VIPR1: variants seen among roughly 807,000 people sequenced by gnomAD.
VIPR1 encodes vasoactive intestinal peptide receptor 1, also known as vasoactive intestinal polypeptide receptor 1.
Under a neutral mutation model 58.8 loss-of-function variants are expected in VIPR1, and 59 were observed. That is an observed-to-expected ratio of 1.00 (90% CI 0.81 to 1.25). VIPR1 has a LOEUF of 1.25. VIPR1 is among the 50% of genes most tolerant of loss of function. VIPR1 has a pLI of 0.00. For synonymous variants in VIPR1, 251 were observed against 242.1 expected (o/e 1.04, Z -0.34); for missense variants, 626 against 602.7 (o/e 1.04, Z -0.40).
At chr3:42,517,155 T>C (rs1263153457) in intron 2 of VIPR1, among the ~76,000 whole-genome samples, 3 of 152,210 alleles carry the variant, frequency 2.0e-5, no homozygotes, top group African/African-American at 7.2e-5. Flanking sequence ...CCTTCAGCTA[T>C]AGATGTGGCC....
intron 3 of VIPR1, among the ~76,000 whole-genome samples, chr3:42,525,254 T>C (rs980619933): frequency 6.6e-6 from 1 of 152,038 alleles, no homozygotes. Flanking sequence ...CTGAGGACAG[T>C]GGACAGTGCA....
chr3:42,527,950 C>A (rs528103416), intron 5 of VIPR1, 41 bp from the exon 6 acceptor site: 1 of 1,602,668 alleles, frequency 6.2e-7, no homozygotes, highest in Admixed American at 1.7e-5. Flanking sequence ...GGTGGGGATC[C>A]AAGGCCCCTT....
intron 3 of VIPR1, 41 bp from the exon 4 acceptor site, chr3:42,525,846 C>G: frequency 6.4e-7 from 1 of 1,550,706 alleles, no homozygotes; most frequent in Non-Finnish European, 8.7e-7. Context: ...TCCCCATGCT[C>G]CCGGCCTCAG....
Position 42,534,971 on chromosome 3 carries a change from C to A in VIPR1, c.1011-4C>A. The A allele has an allele frequency of 1.2e-6, 2 of 1,614,152 alleles. No homozygotes were observed. The highest frequency in any genetic ancestry group is 1.7e-6 in the Non-Finnish European group (2 of 1,179,984). On this transcript the variant is annotated splice_region_variant and splice_polypyrimidine_tract_variant and intron_variant, in intron 10 of 12. Transcript: ENST00000325123. ...CCCATGGCCTGTCCCTCCCCTGTCT[C>A]CAGAAGGCTAGCCAGGTCCACACTC...
chr3:42,534,864 T>A, intron 10 of VIPR1, 111 bp from the exon 11 acceptor site: 1 of 1,401,606 alleles, frequency 7.1e-7, no homozygotes, highest in East Asian at 2.3e-5. Context: ...TCCTCATACT[T>A]CCTGGTCATT....
intron 12 of VIPR1, 103 bp downstream of exon 12, chr3:42,535,487 G>A: frequency 7.7e-7 from 1 of 1,293,458 alleles, no homozygotes; most frequent in Middle Eastern, 1.9e-4. Flanking sequence ...GTTAAACCTT[G>A]CTGCTCCAAG....
intron 10 of VIPR1, chr3:42,532,667 G>A: frequency 5.0e-6 from 2 of 400,198 alleles, no homozygotes; most frequent in South Asian, 3.3e-5. Context: ...CCTGGCATGT[G>A]CCTCACATGG....
chr3:42,502,912 T>A, intron 1 of VIPR1, 99 bp downstream of exon 1: 5 of 971,954 alleles, frequency 5.1e-6, no homozygotes, highest in Non-Finnish European at 6.6e-6. Context: ...TGTGCGCGTG[T>A]CTGTGTAAGA....
intron 4 of VIPR1, among the ~76,000 whole-genome samples, chr3:42,526,314 C>G (rs547539558): frequency 1.6e-4 from 24 of 152,364 alleles, no homozygotes; most frequent in Non-Finnish European, 2.9e-4. Flanking sequence ...CAGACACCAG[C>G]ACCCCATCCC....
At chr3:42,501,123 G>T (rs1306860125), upstream of VIPR1, among the ~76,000 whole-genome samples, 1 of 152,172 alleles carries the variant, frequency 6.6e-6, no homozygotes, top group Non-Finnish European at 1.5e-5. The surrounding 1 kb of genome is among the most constrained non-coding windows in gnomAD (Gnocchi z 4.8). Flanking sequence ...AAGAGCAAGT[G>T]CAGGGGATGG....
chr3:42,493,328 G>A (rs577619431), intron 1 of VIPR1, among the ~76,000 whole-genome samples: 2 of 152,274 alleles, frequency 1.3e-5, no homozygotes, highest in East Asian at 1.9e-4. Flanking sequence ...GAGGGCCTTG[G>A]GACCCTAAAA....
At chr3:42,535,430 G>T in intron 12 of VIPR1, 46 bp downstream of exon 12, 1 of 1,601,172 alleles carries the variant, frequency 6.2e-7, no homozygotes. Flanking sequence ...GAACTCCCAG[G>T]ACCAGGGTCC....
chr3:42,505,312 C>A (rs979494857), intron 1 of VIPR1, among the ~76,000 whole-genome samples: 1 of 152,266 alleles, frequency 6.6e-6, no homozygotes, highest in African/African-American at 2.4e-5. Context: ...CCTCTGTTGA[C>A]AGGACCAATG....
chr3:42,534,702 C>T (rs1409516943), intron 10 of VIPR1: 2 of 310,688 alleles, frequency 6.4e-6, no homozygotes, highest in Non-Finnish European at 6.0e-6. Flanking sequence ...ACCTCTTACC[C>T]TCTCTCCTCC....
At chr3:42,497,533 G>T (rs1699787161) in intron 1 of VIPR1, among the ~76,000 whole-genome samples, 1 of 152,156 alleles carries the variant, frequency 6.6e-6, no homozygotes, top group Non-Finnish European at 1.5e-5. Flanking sequence ...ACAGGGTGGA[G>T]CAGTCCTCCC....
upstream of VIPR1, among the ~76,000 whole-genome samples, chr3:42,501,433 C>T (rs1322919327): frequency 6.6e-6 from 1 of 152,198 alleles, no homozygotes; most frequent in East Asian, 1.9e-4. The surrounding 1 kb of genome is among the most constrained non-coding windows in gnomAD (Gnocchi z 4.8). Flanking sequence ...CTCCACTGAA[C>T]TCCGCCTCTC....
At chr3:42,512,623 G>A in intron 1 of VIPR1, 4 of 506,222 alleles carry the variant, frequency 7.9e-6, no homozygotes, top group Non-Finnish European at 1.0e-5. Context: ...CTGAGGCCCA[G>A]GGAGGTAAGG....
chr3:42,515,146 TTAC>T (rs1700562197), intron 2 of VIPR1, among the ~76,000 whole-genome samples: 1 of 152,194 alleles, frequency 6.6e-6, no homozygotes. Context: ...GGGAGCATCT[TTAC>T]GTCTTCCTGG....
At chr3:42,513,980 G>C in intron 2 of VIPR1, 126 bp downstream of exon 2, 2 of 1,071,528 alleles carry the variant, frequency 1.9e-6, no homozygotes, top group South Asian at 1.6e-5. Context: ...AGCGGCTGGG[G>C]AGCCAGATGG....
Sources: gnomAD v4.1 joint callset for allele counts (sites outside exome capture counted in the v4.1 genomes callset) on GRCh38, gnomAD v4.1.1 for gene constraint, Gnocchi (gnomAD v3.1) non-coding constraint, MANE v1.5 for transcripts, NCBI Gene and HGNC (gene_info 2026-07-23, HGNC 2026-07-21) for gene names.